CDH9: variants seen among roughly 807,000 people sequenced by gnomAD.
CDH9 encodes the protein cadherin-9.
Under a neutral mutation model 70.9 loss-of-function variants are expected in CDH9, and 28 were observed. The observed-to-expected ratio is 0.40, with a 90% CI of 0.29 to 0.54. The LOEUF is 0.54. Among genes scored for constraint, CDH9 ranks in the 20% least tolerant of loss-of-function variants. The pLI is 0.59. For missense variants in CDH9, 874 were observed against 984.4 expected, an observed-to-expected ratio of 0.89 and a Z score of 1.50; for synonymous variants, 409 against 343.1, an observed-to-expected ratio of 1.19 and a Z score of -2.12.
intron 2 of CDH9, among the ~76,000 whole-genome samples, chr5:26,929,198 CA>C (rs1483160861): frequency 6.6e-6 from 1 of 151,996 alleles, no homozygotes; most frequent in Non-Finnish European, 1.5e-5. Flanking sequence ...TCAACATTTT[CA>C]AAAGAATAAA....
intron 1 of CDH9, among the ~76,000 whole-genome samples, chr5:26,993,990 T>C (rs1384137249): frequency 6.6e-6 from 1 of 152,178 alleles, no homozygotes; most frequent in Non-Finnish European, 1.5e-5. Context: ...TCATGGAGTT[T>C]GCCTTGTTGG....
Position 26,907,758 on chromosome 5 carries a change from T to G in CDH9, c.524-920A>C, listed in dbSNP as rs142516838. Among the ~76,000 whole-genome samples the G allele has an allele frequency of 4.7e-3, 721 of 152,194 alleles. 1 individual carries two copies. Among genetic ancestry groups the G allele is most frequent in the Non-Finnish European group, 7.8e-3 (529 of 67,966 alleles). On this transcript the variant is annotated intron_variant, in intron 3 of 11. Transcript: ENST00000231021. ...AAATGAAGCCTACTAGGTTTGCCCT[T>G]GGACAAAGCTAGATTGTAGGACATT...
chr5:26,885,129 A>C (rs1254805103), intron 11 of CDH9, among the ~76,000 whole-genome samples: 1 of 152,166 alleles, frequency 6.6e-6, no homozygotes, highest in Non-Finnish European at 1.5e-5. Context: ...ACAGTTAGTA[A>C]CTATAAGGGC....
chr5:26,977,673 G>T (rs1366462), intron 2 of CDH9, among the ~76,000 whole-genome samples: 10 of 151,636 alleles, frequency 6.6e-5, no homozygotes, highest in African/African-American at 2.2e-4. Flanking sequence ...CTGCCATATT[G>T]GTTAACAATT....
chr5:26,906,809 C>T lies in CDH9; in HGVS notation c.553G>A (p.Asp185Asn). Residue 185 changes from aspartate (D) to asparagine (N), a missense_variant, in exon 4 of 12, where the codon GAT (aspartate) becomes AAT (asparagine). By Grantham distance (23) the Asp-to-Asn change is conservative. Coordinates refer to ENST00000231021, the MANE Select transcript of CDH9 (RefSeq NM_016279.4). ...GTSVIQVTAT[D>N]ADDANYGNSA... ...TTTCCATAGTTGGCGTCATCTGCATCTGTTGCAGTTACTTGTATAACAGAT... is the reference window on the plus strand; with the variant it reads ...TTTCCATAGTTGGCGTCATCTGCATTTGTTGCAGTTACTTGTATAACAGAT... 6.2e-7 allele frequency: 1 copy of T among 1,613,138 alleles called. No individual in the cohort carries two copies. The highest frequency in any genetic ancestry group is 8.5e-7 in the Non-Finnish European group (1 of 1,179,454).
chr5:26,888,451 G>T, intron 9 of CDH9, among the ~76,000 whole-genome samples: 1 of 151,944 alleles, frequency 6.6e-6, no homozygotes, highest in Non-Finnish European at 1.5e-5. Context: ...AATTGAATAA[G>T]TAATATGTAA....
intron 2 of CDH9, among the ~76,000 whole-genome samples, chr5:26,949,821 A>G (rs1256468768): frequency 1.3e-5 from 2 of 152,222 alleles, no homozygotes; most frequent in Non-Finnish European, 2.9e-5. Flanking sequence ...GAAATAGGTC[A>G]TGAGAGAAAA....
intron 1 of CDH9, among the ~76,000 whole-genome samples, chr5:27,013,154 T>G (rs1742986833): frequency 6.6e-6 from 1 of 151,906 alleles, no homozygotes; most frequent in Non-Finnish European, 1.5e-5. Context: ...TCAATGTAAA[T>G]GGTCATATCC....
intron 2 of CDH9, among the ~76,000 whole-genome samples, chr5:26,929,613 G>A (rs2112022136): frequency 6.6e-6 from 1 of 152,116 alleles, no homozygotes; most frequent in African/African-American, 2.4e-5. Context: ...AGAGACAAAT[G>A]GATAAAGAAA....
chr5:26,937,155 C>T (rs1399912361), intron 2 of CDH9, among the ~76,000 whole-genome samples: 1 of 98,844 alleles, frequency 1.0e-5, no homozygotes, highest in Non-Finnish European at 2.4e-5. Context: ...AGACTTGTAT[C>T]CAAAATGTAC....
intron 4 of CDH9, 34 bp downstream of exon 4, chr5:26,906,685 A>G: frequency 6.2e-7 from 1 of 1,609,616 alleles, no homozygotes. Flanking sequence ...AATGTATTAT[A>G]CAATAAGAAG....
chr5:26,988,148 TAAG>T lies in CDH9; in HGVS notation c.183_185del (p.Phe61del). ...TGTCAGTACCTGTGTACTCTTCCAA[TAAG>T]AAGAACTGATTCCACATCCAGCCAC... On this transcript the variant is annotated inframe_deletion, in exon 2 of 12. Coordinates refer to ENST00000231021, the MANE Select transcript of CDH9 (RefSeq NM_016279.4). The T allele has an allele frequency of 6.2e-7, 1 of 1,613,234 alleles. No individual in the cohort carries two copies.
intron 2 of CDH9, among the ~76,000 whole-genome samples, chr5:26,963,667 A>G (rs1425465611): frequency 6.6e-6 from 1 of 152,108 alleles, no homozygotes; most frequent in African/African-American, 2.4e-5. Flanking sequence ...GCACAAATTC[A>G]AATGGACCCT....
rs533262300 is a variant in CDH9, at chr5:26,895,561, A to G, written c.1254-4997T>C. Among the ~76,000 whole-genome samples, 5 of 152,134 alleles carry G rather than the reference A, an allele frequency of 3.3e-5. No homozygotes were observed. The South Asian group carries it at 1.0e-3, about 32-fold the overall frequency. On this transcript the variant is annotated intron_variant, in intron 7 of 11. Transcript: ENST00000231021. ...AAAATCATTGAACTTTAAATACGTTAAGCATAAAATAGGTGTAAAATGAGG... is the reference window on the plus strand; with the variant it reads ...AAAATCATTGAACTTTAAATACGTTGAGCATAAAATAGGTGTAAAATGAGG...
intron 1 of CDH9, among the ~76,000 whole-genome samples, chr5:27,004,550 G>A (rs1023972422): frequency 1.3e-5 from 2 of 152,050 alleles, no homozygotes; most frequent in Non-Finnish European, 2.9e-5. Flanking sequence ...TGAGGAGATT[G>A]AAATATCCTG....
At chr5:26,934,369 G>T (rs1741522625) in intron 2 of CDH9, among the ~76,000 whole-genome samples, 1 of 152,134 alleles carries the variant, frequency 6.6e-6, no homozygotes, top group East Asian at 1.9e-4. Context: ...GGAGGATGAG[G>T]TGGTAGGATT....
At chr5:26,993,036 C>T (rs963401927) in intron 1 of CDH9, among the ~76,000 whole-genome samples, 25 of 146,868 alleles carry the variant, frequency 1.7e-4, no homozygotes, top group Non-Finnish European at 2.5e-4. Context: ...GCGGAAGTTG[C>T]AGTGAGCCCA....
chr5:26,987,212 CA>C (rs1742503843), intron 2 of CDH9, among the ~76,000 whole-genome samples: 1 of 148,216 alleles, frequency 6.7e-6, no homozygotes, highest in Admixed American at 6.8e-5. Context: ...TGCCATGACT[CA>C]AAAAATAAAT....
At chr5:26,948,498 T>C (rs777736096) in intron 2 of CDH9, among the ~76,000 whole-genome samples, 3 of 152,208 alleles carry the variant, frequency 2.0e-5, no homozygotes, top group Non-Finnish European at 4.4e-5. Flanking sequence ...GCTAACTCTA[T>C]GGGTTACGAA....
Sources: gnomAD v4.1 joint callset for allele counts (sites outside exome capture counted in the v4.1 genomes callset) on GRCh38, gnomAD v4.1.1 for gene constraint, MANE v1.5 for transcripts, NCBI Gene and HGNC (gene_info 2026-07-23, HGNC 2026-07-21) for gene names.